CNBP: variants seen among roughly 807,000 people sequenced by gnomAD.
The protein encoded by CNBP is cellular nucleic acid-binding protein.
CNBP carries 6 observed loss-of-function variants against 21.2 expected under a neutral mutation model. The observed-to-expected ratio is 0.28, with a 90% CI of 0.16 to 0.56. The LOEUF is 0.56. Ranked by LOEUF, CNBP falls within the 20% of genes least tolerant of loss-of-function variation. The probability of loss-of-function intolerance (pLI) is 0.93; values close to 1 mark genes in which losing one functional copy is unlikely to be tolerated. For synonymous variants in CNBP, 61 were observed against 74.9 expected (o/e 0.81, Z 0.96); for missense variants, 112 against 233.1 (o/e 0.48, Z 3.38).
intron 1 of CNBP, among the ~76,000 whole-genome samples, chr3:129,175,184 G>A (rs77678439): frequency 0.028 from 4,243 of 151,884 alleles, 177 homozygotes; most frequent in African/African-American, 0.097. Flanking sequence ...TTACCCAGGC[G>A]TGGTGGTAAC....
chr3:129,177,642 T>G (rs1938003885), intron 1 of CNBP, among the ~76,000 whole-genome samples: 1 of 152,210 alleles, frequency 6.6e-6, no homozygotes, highest in South Asian at 2.1e-4. Context: ...CTGCTTATAC[T>G]TGTTTCCCAC....
intron 1 of CNBP, among the ~76,000 whole-genome samples, chr3:129,178,239 G>C (rs1321020888): frequency 6.6e-6 from 1 of 151,448 alleles, no homozygotes; most frequent in Non-Finnish European, 1.5e-5. Flanking sequence ...ACTAAGAGGT[G>C]TAACTATTTT....
chr3:129,181,105 T>C (rs1051008508), intron 1 of CNBP, among the ~76,000 whole-genome samples: 1 of 150,556 alleles, frequency 6.6e-6, no homozygotes, highest in Non-Finnish European at 1.5e-5. Context: ...CCGGGCGTGG[T>C]GGCACACGCC....
intron 1 of CNBP, among the ~76,000 whole-genome samples, chr3:129,172,689 CAGACAG>C (rs1293873089): frequency 0.011 from 1,104 of 100,696 alleles, 2 homozygotes; most frequent in African/African-American, 0.016. Context: ...GACAGACAGA[CAGACAG>C]ACACACACAC....
intron 1 of CNBP, among the ~76,000 whole-genome samples, chr3:129,180,882 T>C (rs1182349434): frequency 6.6e-6 from 1 of 152,134 alleles, no homozygotes; most frequent in African/African-American, 2.4e-5. Context: ...TTCACTGCTT[T>C]TAGGCACCAG....
At chr3:129,171,822 TTTTA>T in intron 1 of CNBP, 51 bp from the exon 2 acceptor site, 1 of 1,548,860 alleles carries the variant, frequency 6.5e-7, no homozygotes, top group African/African-American at 1.4e-5. Context: ...TTCTTTTAAC[TTTTA>T]TTCTCTATTA....
rs571438151 is a variant in CNBP, at chr3:129,174,865, ATAATT to A, written c.-14-3099_-14-3095del. On this transcript the variant is annotated intron_variant, in intron 1 of 4. Coordinates refer to ENST00000422453, the MANE Select transcript of CNBP (RefSeq NM_003418.5). ...ACAATTTGCAAGGCCTGAATATCTT[ATAATT>A]TAATATTTAAACAAGATACATCTCT... Among the ~76,000 whole-genome samples, 20 of 152,264 alleles carry A rather than the reference ATAATT, an allele frequency of 1.3e-4. No individual in the cohort carries two copies. The South Asian group carries it at 3.5e-3, about 27-fold the overall frequency.
Position 129,170,130 on chromosome 3 carries a change from G to A in CNBP, c.*323C>T, listed in dbSNP as rs1937541834. ...AGAATTGGTTTTACCTCCTACATGG[G>A]AACATGTTCAAGGAACCCAGGACGG... On this transcript the variant is annotated 3_prime_UTR_variant, in exon 5 of 5. Transcript: ENST00000422453. 1 of 309,098 alleles carries A rather than the reference G, an allele frequency of 3.2e-6. No individual in the cohort carries two copies. Among genetic ancestry groups the A allele is most frequent in the South Asian group, 7.7e-5 (1 of 12,956 alleles). The allele number at this position is 309,098 out of a possible 1,614,324, so 19.1% of individuals were successfully genotyped here. A position where few individuals can be genotyped will look rare whatever the true frequency, so the allele number is the denominator to read the frequency against.
At chr3:129,177,064 T>A (rs1937951789) in intron 1 of CNBP, among the ~76,000 whole-genome samples, 1 of 152,218 alleles carries the variant, frequency 6.6e-6, no homozygotes, top group Non-Finnish European at 1.5e-5. Flanking sequence ...CAGGTTCTGT[T>A]AGTCCAAGAA....
chr3:129,182,209 G>T (rs1448755702), intron 1 of CNBP, among the ~76,000 whole-genome samples: 1 of 152,144 alleles, frequency 6.6e-6, no homozygotes, highest in African/African-American at 2.4e-5. Flanking sequence ...CAAACAATAG[G>T]AAAGGGGGAA....
intron 1 of CNBP, among the ~76,000 whole-genome samples, chr3:129,176,848 C>T (rs1937939247): frequency 1.3e-5 from 2 of 152,136 alleles, no homozygotes; most frequent in South Asian, 2.1e-4. Context: ...ACAGAAGTAT[C>T]TTCTACTTGT....
At chr3:129,179,745 T>A (rs577599238) in intron 1 of CNBP, among the ~76,000 whole-genome samples, 1 of 152,080 alleles carries the variant, frequency 6.6e-6, no homozygotes, top group Non-Finnish European at 1.5e-5. Context: ...GGCAAGAGAA[T>A]CGCTTGAACC....
chr3:129,170,325 T>G lies in CNBP; in HGVS notation c.*128A>C, dbSNP rs1393772186. The G allele has an allele frequency of 3.9e-6, 3 of 774,654 alleles. No homozygotes were observed. The highest frequency in any genetic ancestry group is 6.6e-6 in the Non-Finnish European group (3 of 454,068). The allele number at this position is 774,654 out of a possible 1,614,324, so 48.0% of individuals were successfully genotyped here. ...GTTTTTTTCCACCCCTTTCCTCCTT[T>G]TACACGGCAAGTAAAGCTCACTGGC... On this transcript the variant is annotated 3_prime_UTR_variant, in exon 5 of 5. Transcript: ENST00000422453.
At chr3:129,181,165 G>A (rs1451403781) in intron 1 of CNBP, among the ~76,000 whole-genome samples, 1 of 145,484 alleles carries the variant, frequency 6.9e-6, no homozygotes, top group Non-Finnish European at 1.5e-5. Context: ...GCTTGAGCCC[G>A]GGAGATGGAG....
chr3:129,179,229 AT>A (rs1251655656), intron 1 of CNBP, among the ~76,000 whole-genome samples: 1 of 151,950 alleles, frequency 6.6e-6, no homozygotes, highest in African/African-American at 2.4e-5. Flanking sequence ...GTGAGCCGAG[AT>A]CATGCCATCG....
At chr3:129,178,140 C>G (rs1039536435) in intron 1 of CNBP, among the ~76,000 whole-genome samples, 5 of 114,312 alleles carry the variant, frequency 4.4e-5, no homozygotes, top group Non-Finnish European at 8.3e-5. Context: ...GCCTGGGCAA[C>G]AGAGCAAGAC....
chr3:129,182,678 G>A (rs570949698), intron 1 of CNBP, among the ~76,000 whole-genome samples: 14 of 152,264 alleles, frequency 9.2e-5, no homozygotes, highest in African/African-American at 3.1e-4. Context: ...GGTTTTGGAG[G>A]TTTGACAAAT....
intron 1 of CNBP, among the ~76,000 whole-genome samples, chr3:129,175,385 G>C (rs1055268411): frequency 6.6e-6 from 1 of 150,892 alleles, no homozygotes; most frequent in African/African-American, 2.4e-5. Flanking sequence ...CAGTGGCAAA[G>C]GCAGAACTTT....
In CNBP at chr3:129,168,675, G is replaced by A. The variant is rs9881147; in HGVS notation, c.*1778C>T. On this transcript the variant is annotated 3_prime_UTR_variant, in exon 5 of 5. Transcript: ENST00000422453. ...ATAGCAATGGTATTAAAACTGTTCA[G>A]AATCGGCCAGACACGGTGGCTCGCA... is the stretch of plus-strand genomic sequence containing the variant. Among the ~76,000 whole-genome samples the A allele has an allele frequency of 6.9e-6, 1 of 144,372 alleles. No individual in the cohort carries two copies. The highest frequency in any genetic ancestry group is 7.0e-5 in the Admixed American group (1 of 14,322). 94.7% of individuals were successfully genotyped at this position (144,372 alleles called of 152,430 possible).
Sources: gnomAD v4.1 joint callset for allele counts (sites outside exome capture counted in the v4.1 genomes callset) on GRCh38, gnomAD v4.1.1 for gene constraint, MANE v1.5 for transcripts, NCBI Gene and HGNC (gene_info 2026-07-23, HGNC 2026-07-21) for gene names.